Variants in RB1CC1 observed in about 807,000 individuals in gnomAD.
RB1CC1 encodes the protein RB1 inducible coiled-coil 1.
A neutral mutation model predicts 177.5 loss-of-function variants in RB1CC1; 46 were observed. That is an observed-to-expected ratio of 0.26 (90% CI 0.20 to 0.33). The LOEUF (loss-of-function observed/expected upper bound fraction) is 0.33. RB1CC1 is among the 10% of genes least tolerant of loss of function. RB1CC1 has a pLI of 1.00. For synonymous variants in RB1CC1, 666 were observed against 613.6 expected, an observed-to-expected ratio of 1.09 and a Z score of -1.26; for missense variants, 1,703 against 1,816.3, an observed-to-expected ratio of 0.94 and a Z score of 1.13.
At position 52,656,955 on chromosome 8, in the gene RB1CC1, C is replaced by T; in HGVS notation, c.2874G>A (p.Val958=). ...CATGGAGCTTTTTTAAGTCTTCTAACACTATTTCTCGTGACTGCTTCAGTT... is the reference window on the plus strand; with the variant it reads ...CATGGAGCTTTTTTAAGTCTTCTAATACTATTTCTCGTGACTGCTTCAGTT... ...IKELKQSREI[V]LEDLKKLHVE... Residue 958 remains valine, a synonymous_variant, in exon 15 of 24, where the codon GTG becomes GTA. Transcript: ENST00000025008. 1 of 1,613,570 alleles carries T rather than the reference C, an allele frequency of 6.2e-7. No homozygotes were observed. Among genetic ancestry groups the T allele is most frequent in the South Asian group, 1.1e-5 (1 of 91,066 alleles).
chr8:52,706,294 GC>G (rs1452836634), intron 1 of RB1CC1, among the ~76,000 whole-genome samples: 1 of 150,838 alleles, frequency 6.6e-6, no homozygotes, highest in Non-Finnish European at 1.5e-5. Context: ...GGGGAGTTCT[GC>G]CCCACTCCCA....
chr8:52,643,593 G>C (rs543629955), intron 16 of RB1CC1, among the ~76,000 whole-genome samples: 6 of 151,522 alleles, frequency 4.0e-5, no homozygotes, highest in African/African-American at 1.5e-4. Flanking sequence ...GGAGGCTAAG[G>C]AGGGAGGACT....
chr8:52,658,012 G>A lies in RB1CC1; in HGVS notation c.1906C>T (p.Leu636=), dbSNP rs1482513083. 1 of 1,613,850 alleles carries A rather than the reference G, an allele frequency of 6.2e-7. No homozygotes were observed. The highest frequency in any genetic ancestry group is 8.5e-7 in the Non-Finnish European group (1 of 1,179,992). ...ATTGAATTTGCCTTTTGTTCACTCAGTAGATCTGTAATGGTCTGTGACATT... is the reference window on the plus strand; with the variant it reads ...ATTGAATTTGCCTTTTGTTCACTCAATAGATCTGTAATGGTCTGTGACATT... ...DEMSQTITDL[L]SEQKASVSQT... Residue 636 remains leucine, a synonymous_variant, in exon 14 of 24, where the codon CTG becomes TTG. Transcript: ENST00000025008.
At position 52,634,983 on chromosome 8, in the gene RB1CC1, A is replaced by G. The variant is rs376957322; in HGVS notation, c.4393-15T>C. The stretch of plus-strand genomic sequence containing the variant: ...AATTGCAATGTCTGCAGGTGGAAAA[A>G]AGAGACCTGTGGTTTATCCTTGTAC... On this transcript the variant is annotated splice_polypyrimidine_tract_variant and intron_variant, in intron 19 of 23. Transcript: ENST00000025008. 2 of 1,602,712 alleles carry G rather than the reference A, an allele frequency of 1.2e-6. No homozygotes were observed. The highest frequency in any genetic ancestry group is 1.7e-6 in the Non-Finnish European group (2 of 1,173,310).
chr8:52,674,424 A>G, intron 6 of RB1CC1, 150 bp from the exon 7 acceptor site: 2 of 708,838 alleles, frequency 2.8e-6, no homozygotes, highest in Non-Finnish European at 4.6e-6. Context: ...TGAGCTAGCT[A>G]TTCACTAAAA....
chr8:52,673,864 C>A lies in RB1CC1; in HGVS notation c.983G>T (p.Cys328Phe). Residue 328 changes from cysteine to phenylalanine, a missense_variant, in exon 7 of 24, where the codon TGC becomes TTC. Physicochemically the swap from Cys to Phe is radical, Grantham distance 205 (BLOSUM62 -2). Transcript: ENST00000025008. ...PNDVESLVRK[C>F]FDSMSRLDPR... ...ACTTACCCTGCTCATAGAATCAAAG[C>A]ACTTCCTGACCAAAGATTCCACATC... is the stretch of plus-strand genomic sequence containing the variant. 1 of 1,610,126 alleles carries A rather than the reference C, an allele frequency of 6.2e-7. No homozygotes were observed. The highest frequency in any genetic ancestry group is 8.5e-7 in the Non-Finnish European group (1 of 1,177,020).
At position 52,681,385 on chromosome 8, in the gene RB1CC1, A is replaced by C. The variant is rs144111065; in HGVS notation, c.369+2164T>G. ...CATTTTTCAGTATATCTCAATAAAC[A>C]AAAATCTATTCTTAAATTTACCAAT... On this transcript the variant is annotated intron_variant, in intron 5 of 23. Transcript: ENST00000025008. Among the ~76,000 whole-genome samples the C allele has an allele frequency of 1.8e-4, 27 of 152,300 alleles. No homozygotes were observed. The East Asian group carries it at 5.0e-3, about 28-fold the overall frequency.
rs144186420 is a variant in RB1CC1, at chr8:52,704,091, CCT to C, written c.-167+9982_-167+9983del. Among the ~76,000 whole-genome samples, 825 of 152,092 alleles carry C rather than the reference CCT, an allele frequency of 5.4e-3. 7 individuals carry two copies. Among genetic ancestry groups the C allele is most frequent in the African/African-American group, 0.019 (793 of 41,502 alleles). On this transcript the variant is annotated intron_variant, in intron 1 of 23. Transcript: ENST00000025008. ...AGTAACCAAGTACATATTTGGTCAC[CCT>C]GAAATAAAAAATACTTGGAAAGAAA...
intron 1 of RB1CC1, among the ~76,000 whole-genome samples, chr8:52,709,234 A>G (rs1434175785): frequency 1.3e-5 from 2 of 152,104 alleles, no homozygotes; most frequent in African/African-American, 2.4e-5. Flanking sequence ...ATAAAAATAT[A>G]TTGATCCCAC....
At chr8:52,641,972 T>C (rs1483953231) in intron 18 of RB1CC1, among the ~76,000 whole-genome samples, 1 of 151,994 alleles carries the variant, frequency 6.6e-6, no homozygotes, top group Admixed American at 6.6e-5. Flanking sequence ...ATAATAATAA[T>C]AATAATAAAA....
intron 23 of RB1CC1, 92 bp downstream of exon 23, chr8:52,624,625 C>G: frequency 9.5e-7 from 1 of 1,049,720 alleles, no homozygotes; most frequent in East Asian, 2.7e-5. Flanking sequence ...GCATAAAGGC[C>G]AAGAACAGCA....
chr8:52,712,417 T>C (rs1318927277), intron 1 of RB1CC1, among the ~76,000 whole-genome samples: 2 of 151,478 alleles, frequency 1.3e-5, no homozygotes, highest in Admixed American at 6.6e-5. Context: ...ACAAAAGTCT[T>C]GTGTCTTCTG....
intron 8 of RB1CC1, among the ~76,000 whole-genome samples, chr8:52,662,527 T>C (rs1851720812): frequency 6.6e-6 from 1 of 152,102 alleles, no homozygotes; most frequent in Non-Finnish European, 1.5e-5. Context: ...TCCTATGCTA[T>C]ATACCAAGTG....
At chr8:52,653,581 A>C (rs779058022) in intron 15 of RB1CC1, among the ~76,000 whole-genome samples, 1 of 152,164 alleles carries the variant, frequency 6.6e-6, no homozygotes, top group Non-Finnish European at 1.5e-5. Flanking sequence ...GAGAAGACTG[A>C]AGTGACTGTG....
rs915614809 is a variant in RB1CC1, at chr8:52,690,055, C to A, written c.-166-3088G>T. 6.6e-5 allele frequency among the ~76,000 whole-genome samples: 10 copies of A among 152,156 alleles called. No homozygotes were observed. In the East Asian group the frequency reaches 1.9e-3, roughly 29 times the overall value. ...CTATGAAACGCACTTAACAGATTGA[C>A]AGAAGACTGGCCAGAAGGTGCAGAC... On this transcript the variant is annotated intron_variant, in intron 1 of 23. Transcript: ENST00000025008.
At chr8:52,664,106 CA>C (rs1307844312) in intron 8 of RB1CC1, among the ~76,000 whole-genome samples, 1 of 152,224 alleles carries the variant, frequency 6.6e-6, no homozygotes, top group Non-Finnish European at 1.5e-5. Flanking sequence ...CCCTTGGCGG[CA>C]GCCAAATACA....
Position 52,657,010 on chromosome 8 carries a change from A to T in RB1CC1, c.2819T>A (p.Ile940Lys), listed in dbSNP as rs1346529781. 6.2e-7 allele frequency: 1 copy of T among 1,613,792 alleles called. No homozygotes were observed. The highest frequency in any genetic ancestry group is 1.7e-5 in the Admixed American group (1 of 60,006). The change falls in exon 15 of 24, where the codon ATA (isoleucine) becomes AAA (lysine). Residue 940 changes from isoleucine (I) to lysine (K), a missense_variant. Around this residue, in one of 6 missense-constraint regions of RB1CC1, gnomAD observed 1,169 missense variants for 1,184.7 expected, o/e 0.99. Coordinates refer to ENST00000025008, the MANE Select transcript of RB1CC1 (RefSeq NM_014781.5). ...AATTTCACAATTTTGAGAGTGCATT[A>T]TATTTTCCATCTCTAACAACTTCTG... Reference protein sequence around the residue: ...KDQKLLEMENIMHSQNCEIKE... With the variant: ...KDQKLLEMENKMHSQNCEIKE...
chr8:52,658,658 AT>A (rs1411347813), intron 13 of RB1CC1, among the ~76,000 whole-genome samples: 1 of 151,780 alleles, frequency 6.6e-6, no homozygotes, highest in Admixed American at 6.6e-5. Context: ...GAAAAAAATA[AT>A]TACATGTAAG....
chr8:52,632,334 C>A (rs1280477165), intron 20 of RB1CC1, among the ~76,000 whole-genome samples: 1 of 152,142 alleles, frequency 6.6e-6, no homozygotes, highest in Non-Finnish European at 1.5e-5. Flanking sequence ...TCTGAATTTC[C>A]TCCACTTCCC....
Sources: gnomAD v4.1 joint callset for allele counts (sites outside exome capture counted in the v4.1 genomes callset) on GRCh38, gnomAD v4.1.1 for gene constraint, gnomAD v4.1.1 regional missense constraint, MANE v1.5 for transcripts, NCBI Gene and HGNC (gene_info 2026-07-23, HGNC 2026-07-21) for gene names.